The following JAKMIP3 variants were observed in gnomAD, a reference collection of about 807,000 sequenced individuals.
JAKMIP3 encodes janus kinase and microtubule-interacting protein 3.
Under a neutral mutation model 118.5 loss-of-function variants are expected in JAKMIP3, and 58 were observed. The ratio of observed to expected loss-of-function variants is 0.49; its 90% confidence interval spans 0.40 to 0.61. JAKMIP3 has a LOEUF of 0.61. JAKMIP3 is among the 20% of genes least tolerant of loss of function. The probability of loss-of-function intolerance (pLI) is 0.00; values close to 1 mark genes in which losing one functional copy is unlikely to be tolerated. For synonymous variants in JAKMIP3, 486 were observed against 451.2 expected (o/e 1.08, Z -0.98); for missense variants, 950 against 1,109.0 (o/e 0.86, Z 2.04).
chr10:132,040,550 T>A (rs1589996141), intron 1 of JAKMIP3, among the ~76,000 whole-genome samples: 1 of 152,342 alleles, frequency 6.6e-6, no homozygotes, highest in East Asian at 1.9e-4. Flanking sequence ...AGCATTTTTT[T>A]ACTATTCAAT....
intron 23 of JAKMIP3, chr10:132,181,111 T>C (rs1590069699): frequency 2.0e-5 from 3 of 152,324 alleles, no homozygotes; most frequent in South Asian, 4.1e-4. Context: ...GTTGCGGCCA[T>C]GGATGGGGCA....
At chr10:132,134,976 G>C (rs1269620987) in intron 4 of JAKMIP3, 65 bp from the exon 5 acceptor site, 1 of 1,588,716 alleles carries the variant, frequency 6.3e-7, no homozygotes, top group East Asian at 2.3e-5. Flanking sequence ...TAGCGTGCTG[G>C]GATTTGCAAA....
At chr10:132,111,528 G>A (rs1000210581) in intron 2 of JAKMIP3, among the ~76,000 whole-genome samples, 1 of 152,226 alleles carries the variant, frequency 6.6e-6, no homozygotes, top group African/African-American at 2.4e-5. Flanking sequence ...CATGGGCCCC[G>A]GGGGCCATGC....
At chr10:132,042,788 G>A (rs1255185996) in intron 1 of JAKMIP3, among the ~76,000 whole-genome samples, 1 of 152,200 alleles carries the variant, frequency 6.6e-6, no homozygotes, top group African/African-American at 2.4e-5. Context: ...AAAACCAGGT[G>A]CTTGAAGAGC....
chr10:132,163,042 G>A (rs530019558), intron 19 of JAKMIP3, among the ~76,000 whole-genome samples, 167 bp from the exon 20 acceptor site: 8 of 152,342 alleles, frequency 5.3e-5, no homozygotes, highest in East Asian at 3.9e-4. Context: ...GGGGAGGTCC[G>A]TGGGGCCCCT....
At chr10:132,175,521 C>A (rs1224355923) in intron 23 of JAKMIP3, among the ~76,000 whole-genome samples, 5 of 152,296 alleles carry the variant, frequency 3.3e-5, no homozygotes, top group African/African-American at 1.2e-4. Context: ...CGTGTCTGGT[C>A]CCCATTTGAC....
chr10:132,080,539 T>A (rs1471508266), intron 1 of JAKMIP3, among the ~76,000 whole-genome samples: 7 of 107,736 alleles, frequency 6.5e-5, no homozygotes, highest in African/African-American at 1.9e-4. Context: ...TTTTTTTTTT[T>A]AAGATGGAGT....
chr10:132,066,439 G>A (rs906001156), intron 1 of JAKMIP3, among the ~76,000 whole-genome samples: 5 of 152,242 alleles, frequency 3.3e-5, no homozygotes, highest in African/African-American at 9.6e-5. Flanking sequence ...CGGCTGTGGT[G>A]AGAATCCCAC....
intron 2 of JAKMIP3, among the ~76,000 whole-genome samples, chr10:132,109,115 TATA>T (rs2046436731): frequency 7.5e-6 from 1 of 133,732 alleles, no homozygotes; most frequent in East Asian, 2.4e-4. Flanking sequence ...CACACACACA[TATA>T]TATATACACA....
At chr10:132,180,684 T>TCC (rs2061053882) in intron 23 of JAKMIP3, among the ~76,000 whole-genome samples, 1 of 16,826 alleles carries the variant, frequency 5.9e-5, no homozygotes, top group Non-Finnish European at 1.2e-4. Context: ...TGCGCGCGCG[T>TCC]GTGTGTGCGT....
intron 23 of JAKMIP3, among the ~76,000 whole-genome samples, chr10:132,180,047 C>T (rs556774142): frequency 1.1e-4 from 16 of 152,286 alleles, no homozygotes; most frequent in Middle Eastern, 3.4e-3. Flanking sequence ...CTCAGTTGTG[C>T]GCCCCCCACC....
intron 2 of JAKMIP3, among the ~76,000 whole-genome samples, chr10:132,111,363 C>T (rs2046847383): frequency 6.6e-6 from 1 of 152,002 alleles, no homozygotes; most frequent in South Asian, 2.1e-4. Flanking sequence ...CCCCCATGAG[C>T]ACAGCAAGGT....
intron 1 of JAKMIP3, among the ~76,000 whole-genome samples, chr10:132,053,007 A>T (rs541852432): frequency 6.6e-5 from 10 of 152,314 alleles, no homozygotes; most frequent in Admixed American, 2.0e-4. Context: ...GCTGTTTCTC[A>T]TGTGCCTTGT....
At chr10:132,173,588 G>A (rs181109543) in intron 23 of JAKMIP3, among the ~76,000 whole-genome samples, 3 of 152,258 alleles carry the variant, frequency 2.0e-5, no homozygotes, top group Non-Finnish European at 1.5e-5. Context: ...ATACAGCCAG[G>A]TGCCTTTGTA....
chr10:132,144,980 A>G (rs2054315361), intron 11 of JAKMIP3, 127 bp from the exon 12 acceptor site: 2 of 703,864 alleles, frequency 2.8e-6, no homozygotes, highest in East Asian at 5.6e-5. Context: ...CTTCCAAAGG[A>G]AGGGCGAACA....
Position 132,104,771 on chromosome 10 carries a change from C to T in JAKMIP3, c.-38C>T. 6.5e-7 allele frequency: 1 copy of T among 1,543,790 alleles called. No homozygotes were observed. The highest frequency in any genetic ancestry group is 8.8e-7 in the Non-Finnish European group (1 of 1,142,466). Reference sequence around the variant, plus strand: ...CCCCAGCCCAGCCCAGCCGGAGCACCCTACCCCTGGGCATCCCCCTGGCCA... The same window carrying T: ...CCCCAGCCCAGCCCAGCCGGAGCACTCTACCCCTGGGCATCCCCCTGGCCA... On this transcript the variant is annotated 5_prime_UTR_variant, in exon 2 of 24. Coordinates refer to ENST00000684848, the MANE Select transcript of JAKMIP3 (RefSeq NM_001323087.2).
intron 1 of JAKMIP3, among the ~76,000 whole-genome samples, chr10:132,043,355 C>T (rs898184718): frequency 6.6e-6 from 1 of 152,120 alleles, no homozygotes; most frequent in Non-Finnish European, 1.5e-5. Flanking sequence ...CAGGCATGAG[C>T]CACTGCACCT....
chr10:132,074,111 G>A (rs965326238), intron 1 of JAKMIP3, among the ~76,000 whole-genome samples: 1 of 152,164 alleles, frequency 6.6e-6, no homozygotes, highest in Non-Finnish European at 1.5e-5. Flanking sequence ...GAGTGCAGTG[G>A]CACAATCTCG....
At chr10:132,182,005 C>T (rs2061538110) in intron 23 of JAKMIP3, among the ~76,000 whole-genome samples, 2 of 152,212 alleles carry the variant, frequency 1.3e-5, no homozygotes, top group Non-Finnish European at 2.9e-5. Context: ...TAGCAGAGGC[C>T]CACTTTCTAA....
Sources: gnomAD v4.1 joint callset for allele counts (sites outside exome capture counted in the v4.1 genomes callset) on GRCh38, gnomAD v4.1.1 for gene constraint, MANE v1.5 for transcripts, NCBI Gene and HGNC (gene_info 2026-07-23, HGNC 2026-07-21) for gene names.